The following ATP6V1E1 variants were observed in gnomAD, a reference collection of about 807,000 sequenced individuals.
The protein encoded by ATP6V1E1 is V-type proton ATPase subunit E 1.
ATP6V1E1 carries 21 observed loss-of-function variants against 35.2 expected under a neutral mutation model. That is an observed-to-expected ratio of 0.60 (90% CI 0.42 to 0.86). ATP6V1E1 has a LOEUF of 0.86. Among genes scored for constraint, ATP6V1E1 ranks in the 40% least tolerant of loss-of-function variants. ATP6V1E1 has a pLI of 0.00. For synonymous variants in ATP6V1E1, 83 were observed against 87.8 expected (o/e 0.95, Z 0.30); for missense variants, 183 against 272.6 (o/e 0.67, Z 2.32).
chr22:17,628,624 G>A lies in ATP6V1E1; in HGVS notation c.12C>T (p.Ser4=). The A allele has an allele frequency of 1.9e-6, 3 of 1,614,196 alleles. No individual in the cohort carries two copies. The highest frequency in any genetic ancestry group is 2.5e-6 in the Non-Finnish European group (3 of 1,180,044). The stretch of plus-strand genomic sequence containing the variant: ...TCACCTGCTTTTGCACGTCAGCATC[G>A]CTGAGAGCCATGGCGAGAGCAATGC... MAL[S]DADVQKQIKH... is the part of the protein sequence containing the mutation. The change falls in exon 1 of 9, where the codon AGC becomes AGT. Residue 4 remains serine, a synonymous_variant. Coordinates refer to ENST00000253413, the MANE Select transcript of ATP6V1E1 (RefSeq NM_001696.4).
At chr22:17,613,005 C>G (rs2057823071) in intron 3 of ATP6V1E1, 127 bp from the exon 4 acceptor site, 2 of 952,974 alleles carry the variant, frequency 2.1e-6, no homozygotes, top group South Asian at 3.2e-5. Context: ...CAAGCGTGAG[C>G]CACCTTGCCC....
chr22:17,616,006 C>T (rs561756221), intron 2 of ATP6V1E1, among the ~76,000 whole-genome samples: 80 of 148,550 alleles, frequency 5.4e-4, no homozygotes, highest in Non-Finnish European at 9.2e-4. Context: ...CACTCCAGCC[C>T]GGGCGACAGT....
chr22:17,627,282 C>A (rs2057915779), intron 1 of ATP6V1E1, among the ~76,000 whole-genome samples: 1 of 151,788 alleles, frequency 6.6e-6, no homozygotes, highest in African/African-American at 2.4e-5. Context: ...CGCCCGCCAC[C>A]ATGCCCGGCT....
chr22:17,622,709 T>C (rs2057884044), intron 1 of ATP6V1E1, among the ~76,000 whole-genome samples: 1 of 152,166 alleles, frequency 6.6e-6, no homozygotes, highest in Non-Finnish European at 1.5e-5. Flanking sequence ...CTCATGCCTG[T>C]AATCCCAAGA....
chr22:17,628,815 G>T, upstream of ATP6V1E1: 1 of 811,422 alleles, frequency 1.2e-6, no homozygotes, highest in East Asian at 2.7e-5. Context: ...CTCAGCCAAT[G>T]GGAAGAGAGC....
chr22:17,619,374 T>G lies in ATP6V1E1; in HGVS notation c.99+87A>C, dbSNP rs2057863743. The G allele has an allele frequency of 1.5e-5, 17 of 1,143,056 alleles. No homozygotes were observed. The Middle Eastern group carries it at 7.8e-4, about 53-fold the overall frequency. The allele number at this position is 1,143,056 out of a possible 1,614,324, so 70.8% of individuals were successfully genotyped here. Reference sequence around the variant, plus strand: ...TTATCAGTCCGATGCAATCTGTTGTTAAGCAGTTTTACTAACAATATTATT... The same window carrying G: ...TTATCAGTCCGATGCAATCTGTTGTGAAGCAGTTTTACTAACAATATTATT... On this transcript the variant is annotated intron_variant, in intron 2 of 8. Coordinates refer to ENST00000253413, the MANE Select transcript of ATP6V1E1 (RefSeq NM_001696.4).
At chr22:17,608,964 T>C (rs1268196201) in intron 4 of ATP6V1E1, among the ~76,000 whole-genome samples, 1 of 151,756 alleles carries the variant, frequency 6.6e-6, no homozygotes, top group Non-Finnish European at 1.5e-5. Context: ...CGGGCGTCTG[T>C]AGTCCCAGCT....
intron 2 of ATP6V1E1, among the ~76,000 whole-genome samples, chr22:17,615,195 G>A (rs141095801): frequency 5.8e-4 from 88 of 151,960 alleles, no homozygotes; most frequent in African/African-American, 2.1e-3. Context: ...AAGATACTTG[G>A]GAGGCTGAGG....
intron 1 of ATP6V1E1, among the ~76,000 whole-genome samples, chr22:17,622,426 T>C (rs1483057043): frequency 6.6e-6 from 1 of 152,088 alleles, no homozygotes; most frequent in Non-Finnish European, 1.5e-5. Context: ...CATAGCAGCT[T>C]CTCCATATAA....
chr22:17,617,055 A>G (rs1352667839), intron 2 of ATP6V1E1, among the ~76,000 whole-genome samples: 1 of 151,780 alleles, frequency 6.6e-6, no homozygotes, highest in Non-Finnish European at 1.5e-5. Context: ...CTCAAAAAAA[A>G]AAAAAAAAGA....
At chr22:17,616,534 C>T (rs764746426) in intron 2 of ATP6V1E1, among the ~76,000 whole-genome samples, 1 of 151,938 alleles carries the variant, frequency 6.6e-6, no homozygotes, top group African/African-American at 2.4e-5. Flanking sequence ...AAAAAATTAG[C>T]TGGGCGTGAT....
At chr22:17,626,325 A>AG (rs1555864860) in intron 1 of ATP6V1E1, among the ~76,000 whole-genome samples, 4 of 122,938 alleles carry the variant, frequency 3.3e-5, no homozygotes, top group African/African-American at 1.1e-4. Flanking sequence ...AAAAAAAAAA[A>AG]AAAGAAAGAA....
chr22:17,619,202 G>T (rs1268182528), intron 2 of ATP6V1E1: 2 of 488,992 alleles, frequency 4.1e-6, no homozygotes, highest in Non-Finnish European at 7.5e-6. Context: ...TGAGGTAGGA[G>T]AATCACTTGA....
Position 17,603,060 on chromosome 22 carries a change from G to A in ATP6V1E1, c.277-1879C>T, listed in dbSNP as rs1423000996. Among the ~76,000 whole-genome samples, 2 of 152,112 alleles carry A rather than the reference G, an allele frequency of 1.3e-5. 1 individual carries two copies. Among genetic ancestry groups the A allele is most frequent in the South Asian group, 4.1e-4 (2 of 4,824 alleles). ...CAACCTCCACCTCCCGGGTTCAAGC[G>A]ATTCTCCCACCTCAGCCTCCTGAGT... On this transcript the variant is annotated intron_variant, in intron 4 of 8. Coordinates refer to ENST00000253413, the MANE Select transcript of ATP6V1E1 (RefSeq NM_001696.4).
chr22:17,617,271 A>G (rs1395544764), intron 2 of ATP6V1E1, among the ~76,000 whole-genome samples: 4 of 152,146 alleles, frequency 2.6e-5, no homozygotes, highest in South Asian at 2.1e-4. Context: ...ATTAAACAAT[A>G]TATCTTGGTC....
At chr22:17,601,895 C>T (rs2057763870) in intron 4 of ATP6V1E1, among the ~76,000 whole-genome samples, 1 of 138,048 alleles carries the variant, frequency 7.2e-6, no homozygotes, top group Non-Finnish European at 1.6e-5. Flanking sequence ...GCATGAGCCA[C>T]CGCCCTCAGC....
At chr22:17,625,619 T>C (rs2057900186) in intron 1 of ATP6V1E1, among the ~76,000 whole-genome samples, 1 of 152,062 alleles carries the variant, frequency 6.6e-6, no homozygotes, top group Admixed American at 6.6e-5. Context: ...AGACAGTGAG[T>C]GTGCTTTAGT....
intron 2 of ATP6V1E1, among the ~76,000 whole-genome samples, chr22:17,614,873 G>C (rs983624330): frequency 5.3e-5 from 8 of 151,520 alleles, no homozygotes; most frequent in Non-Finnish European, 1.0e-4. Flanking sequence ...GGAGGCTGAG[G>C]CAGGAGAATG....
At position 17,614,824 on chromosome 22, in the gene ATP6V1E1, G is replaced by T. The variant is rs186806122; in HGVS notation, c.100-1504C>A. Among the ~76,000 whole-genome samples, 383 of 150,546 alleles carry T rather than the reference G, an allele frequency of 2.5e-3. 2 individuals carry two copies. Among genetic ancestry groups the T allele is most frequent in the African/African-American group, 8.6e-3 (351 of 41,016 alleles). On this transcript the variant is annotated intron_variant, in intron 2 of 8. Transcript: ENST00000253413. ...TCTACTAAAAAATACAAAAAATTAG[G>T]CGGGCGTGGTGGCAGTCGCCTGTAG...
Sources: allele counts gnomAD v4.1 joint callset (sites outside exome capture counted in the v4.1 genomes callset), GRCh38; gene constraint gnomAD v4.1.1; transcripts MANE v1.5; gene names NCBI Gene and HGNC (gene_info 2026-07-23, HGNC 2026-07-21).